The following WDR25 variants were observed in gnomAD, a reference collection of about 807,000 sequenced individuals.
WDR25 encodes the protein WD repeat domain 25, also known as WD repeat-containing protein 25.
Under a neutral mutation model 47.7 loss-of-function variants are expected in WDR25, and 35 were observed. The ratio of observed to expected loss-of-function variants is 0.73; its 90% CI spans 0.56 to 0.97. WDR25 has a LOEUF of 0.97. WDR25 is among the 50% of genes least tolerant of loss of function. WDR25 has a pLI of 0.00. For synonymous variants in WDR25, 248 were observed against 278.9 expected, an observed-to-expected ratio of 0.89 and a Z score of 1.10; for missense variants, 634 against 704.7, an observed-to-expected ratio of 0.90 and a Z score of 1.14.
chr14:100,411,123 T>G (rs1306500351), intron 2 of WDR25, among the ~76,000 whole-genome samples: 2 of 152,120 alleles, frequency 1.3e-5, no homozygotes, highest in Non-Finnish European at 2.9e-5. Context: ...ATAATTGGTT[T>G]CAAATATTTA....
intron 2 of WDR25, among the ~76,000 whole-genome samples, chr14:100,446,082 T>C (rs1407404203): frequency 1.3e-5 from 2 of 152,160 alleles, no homozygotes; most frequent in African/African-American, 2.4e-5. Flanking sequence ...CCCTGACTGT[T>C]TCAGTGCTGT....
intron 1 of WDR25, among the ~76,000 whole-genome samples, chr14:100,378,625 T>C (rs535194574): frequency 6.6e-6 from 1 of 152,208 alleles, no homozygotes; most frequent in East Asian, 1.9e-4. Context: ...GGCCTGTCTG[T>C]CCAGCTGGCT....
In WDR25 at chr14:100,529,755, G is replaced by C; in HGVS notation, c.1414-65G>C. 6.5e-7 allele frequency: 1 copy of C among 1,537,166 alleles called. No individual in the cohort carries two copies. The highest frequency in any genetic ancestry group is 8.8e-7 in the Non-Finnish European group (1 of 1,133,124). On this transcript the variant is annotated intron_variant, in intron 6 of 6. Coordinates refer to ENST00000402312, the MANE Select transcript of WDR25 (RefSeq NM_001161476.3). The surrounding 1 kb of genome is among the most constrained non-coding windows in gnomAD (Gnocchi z 5.1). Reference sequence around the variant, plus strand: ...CGGGGCTTCAGCCTGCTCCTCTGTAGAATGGGCATACTCACCCCGGCTTGA... The same window carrying C: ...CGGGGCTTCAGCCTGCTCCTCTGTACAATGGGCATACTCACCCCGGCTTGA...
rs1386812467 is a variant in WDR25, at chr14:100,525,623, G to A, written c.1102-247G>A. Among the ~76,000 whole-genome samples, 1 of 152,292 alleles carries A rather than the reference G, an allele frequency of 6.6e-6. No individual in the cohort carries two copies. Among genetic ancestry groups the A allele is most frequent in the African/African-American group, 2.4e-5 (1 of 41,550 alleles). ...TCCTGCTGCTCTCAAGGGGTGATAG[G>A]GATGCCTCTCTGGACCCATGTGGCA... On this transcript the variant is annotated intron_variant, in intron 4 of 6. Transcript: ENST00000402312. The surrounding 1 kb of genome is among the most constrained non-coding windows in gnomAD (Gnocchi z 4.6).
intron 2 of WDR25, among the ~76,000 whole-genome samples, chr14:100,395,896 G>A (rs1055189231): frequency 1.8e-4 from 27 of 151,742 alleles, no homozygotes; most frequent in Admixed American, 1.3e-4. Context: ...GTTAAATGTC[G>A]CCAGGTTTGT....
intron 2 of WDR25, among the ~76,000 whole-genome samples, chr14:100,446,996 G>T (rs895860107): frequency 1.3e-5 from 2 of 152,182 alleles, no homozygotes; most frequent in Non-Finnish European, 2.9e-5. Flanking sequence ...TAATCCTTTA[G>T]AATCACTTGT....
In WDR25 at chr14:100,483,122, A is replaced by G. The variant is rs1403836780; in HGVS notation, c.971-872A>G. ...CAGATGGATGAGGTGTGGACAGACA[A>G]GAATGACAGCCAGTGCTCTGGGACA... On this transcript the variant is annotated intron_variant, in intron 3 of 6. Transcript: ENST00000402312. Among the ~76,000 whole-genome samples, 3 of 152,182 alleles carry G rather than the reference A, an allele frequency of 2.0e-5. No homozygotes were observed. In the South Asian group the frequency reaches 6.2e-4, roughly 32 times the overall value.
chr14:100,427,080 T>C lies in WDR25; in HGVS notation c.823-40941T>C, dbSNP rs186987530. Reference sequence around the variant, plus strand: ...GTCTTCCAAGGCCTTCTGGAACCTGTCCCTGCCACCTTGGGGCCCTCCTCC... The same window carrying C: ...GTCTTCCAAGGCCTTCTGGAACCTGCCCCTGCCACCTTGGGGCCCTCCTCC... On this transcript the variant is annotated intron_variant, in intron 2 of 6. Transcript: ENST00000402312. Among the ~76,000 whole-genome samples the C allele has an allele frequency of 1.8e-3, 273 of 152,260 alleles. 3 individuals carry two copies. Among genetic ancestry groups the C allele is most frequent in the African/African-American group, 6.2e-3 (256 of 41,558 alleles).
intron 4 of WDR25, among the ~76,000 whole-genome samples, chr14:100,486,403 G>A (rs1004598447): frequency 2.6e-5 from 4 of 152,192 alleles, no homozygotes; most frequent in Non-Finnish European, 2.9e-5. Context: ...GCATGTTTGC[G>A]AGTCTCTCCC....
chr14:100,443,512 A>G (rs551331526), intron 2 of WDR25, among the ~76,000 whole-genome samples: 5 of 152,178 alleles, frequency 3.3e-5, no homozygotes, highest in Non-Finnish European at 5.9e-5. Context: ...TAATTCAAAA[A>G]CAAATTGAGT....
rs542763023 is a variant in WDR25, at chr14:100,468,728, C to T, written c.970+560C>T. ...AGTGGAAGGAACTTTCCTTACTCAG[C>T]GCTCCTGTGCAACAGGCACTGTCAA... On this transcript the variant is annotated intron_variant, in intron 3 of 6. Transcript: ENST00000402312. The surrounding 1 kb of genome is among the most constrained non-coding windows in gnomAD (Gnocchi z 4.5). 2.4e-4 allele frequency among the ~76,000 whole-genome samples: 37 copies of T among 152,220 alleles called. No homozygotes were observed. The highest frequency in any genetic ancestry group is 3.5e-4 in the Non-Finnish European group (24 of 68,016).
rs1364148905 is a variant in WDR25, at chr14:100,468,095, G to A, written c.897G>A (p.Arg299=). Residue 299 remains arginine, a synonymous_variant, in exon 3 of 7, where the codon CGG becomes CGA. Coordinates refer to ENST00000402312, the MANE Select transcript of WDR25 (RefSeq NM_001161476.3). The surrounding 1 kb of genome is among the most constrained non-coding windows in gnomAD (Gnocchi z 4.5). The part of the protein sequence containing the change: ...SLHTEAVRAA[R]WAPCGRRILS... The stretch of plus-strand genomic sequence containing the variant: ...ACACAGAGGCAGTGCGGGCCGCCCG[G>A]TGGGCTCCCTGTGGCCGGCGCATCC... 1 of 1,613,398 alleles carries A rather than the reference G, an allele frequency of 6.2e-7. No individual in the cohort carries two copies. Among genetic ancestry groups the A allele is most frequent in the Non-Finnish European group, 8.5e-7 (1 of 1,180,036 alleles).
In WDR25 at chr14:100,530,061, TC is replaced by T; in HGVS notation, c.*23del. On this transcript the variant is annotated 3_prime_UTR_variant, in exon 7 of 7. Coordinates refer to ENST00000402312, the MANE Select transcript of WDR25 (RefSeq NM_001161476.3). ...CACTGAGCTTTTTGTCACTGAACCT[TC>T]CCGATGCCAGCTGGGCTCTTGGACT... 6.3e-7 allele frequency: 1 copy of T among 1,597,088 alleles called. No homozygotes were observed. The highest frequency in any genetic ancestry group is 8.6e-7 in the Non-Finnish European group (1 of 1,169,382).
intron 2 of WDR25, among the ~76,000 whole-genome samples, chr14:100,441,352 G>T (rs1404784539): frequency 6.6e-6 from 1 of 152,174 alleles, no homozygotes; most frequent in Non-Finnish European, 1.5e-5. Flanking sequence ...TGTAGGGGAA[G>T]ACTGGGCCAC....
At chr14:100,442,503 C>G (rs1431335935) in intron 2 of WDR25, among the ~76,000 whole-genome samples, 1 of 152,222 alleles carries the variant, frequency 6.6e-6, no homozygotes, top group Non-Finnish European at 1.5e-5. Flanking sequence ...CACACAAAAC[C>G]AGATCAGAAC....
At chr14:100,475,803 G>C (rs145706970) in intron 3 of WDR25, among the ~76,000 whole-genome samples, 29 of 152,182 alleles carry the variant, frequency 1.9e-4, no homozygotes, top group African/African-American at 7.0e-4. Context: ...AAATAAATTA[G>C]TGAGGTGATA....
In WDR25 at chr14:100,392,126, A is replaced by C. The variant is rs889424610; in HGVS notation, c.822+10380A>C. 6.6e-6 allele frequency among the ~76,000 whole-genome samples: 1 copy of C among 152,206 alleles called. No homozygotes were observed. Among genetic ancestry groups the C allele is most frequent in the Non-Finnish European group, 1.5e-5 (1 of 68,042 alleles). ...ACTGTTACTTTTACATAAATTAATA[A>C]ATATTTTAAAATGTCCTCAGTTTTC... On this transcript the variant is annotated intron_variant, in intron 2 of 6. Coordinates refer to ENST00000402312, the MANE Select transcript of WDR25 (RefSeq NM_001161476.3). The surrounding 1 kb of genome is among the most constrained non-coding windows in gnomAD (Gnocchi z 4.2).
rs1457083396 is a variant in WDR25, at chr14:100,523,443, C to T, written c.1102-2427C>T. Among the ~76,000 whole-genome samples the T allele has an allele frequency of 6.6e-6, 1 of 152,182 alleles. No homozygotes were observed. Among genetic ancestry groups the T allele is most frequent in the Non-Finnish European group, 1.5e-5 (1 of 68,038 alleles). On this transcript the variant is annotated intron_variant, in intron 4 of 6. Coordinates refer to ENST00000402312, the MANE Select transcript of WDR25 (RefSeq NM_001161476.3). This position sits in a 1 kb window ranked among gnomAD's most constrained non-coding sequence, Gnocchi z 4.7. ...GGTGAGGGATAGCTGGGTGCATCCGCCAGTCCTTCTTCTTTCTGAGGACCA... is the reference window on the plus strand; with the variant it reads ...GGTGAGGGATAGCTGGGTGCATCCGTCAGTCCTTCTTCTTTCTGAGGACCA...
chr14:100,526,675 G>T (rs2030156595), intron 5 of WDR25, among the ~76,000 whole-genome samples: 2 of 146,280 alleles, frequency 1.4e-5, no homozygotes, highest in South Asian at 2.2e-4. Flanking sequence ...ACCACCACCA[G>T]TGTCATCACT....
Sources: gnomAD v4.1 joint callset for allele counts (sites outside exome capture counted in the v4.1 genomes callset) on GRCh38, gnomAD v4.1.1 for gene constraint, Gnocchi (gnomAD v3.1) non-coding constraint, MANE v1.5 for transcripts, NCBI Gene and HGNC (gene_info 2026-07-23, HGNC 2026-07-21) for gene names.